LRP2: variants seen among roughly 807,000 people sequenced by gnomAD.
LRP2 encodes low-density lipoprotein receptor-related protein 2.
A neutral mutation model predicts 531.0 loss-of-function variants in LRP2; 172 were observed. That is an observed-to-expected ratio of 0.32 (90% confidence interval 0.29 to 0.37). The LOEUF is 0.37. Ranked by LOEUF, LRP2 falls within the 10% of genes least tolerant of loss-of-function variation. The pLI is 1.00. For missense variants in LRP2, 5,167 were observed against 5,868.3 expected (o/e 0.88, Z 3.90); for synonymous variants, 1,992 against 2,027.6 (o/e 0.98, Z 0.47).
chr2:169,351,344 G>A (rs1003392505), intron 1 of LRP2, among the ~76,000 whole-genome samples: 2 of 152,160 alleles, frequency 1.3e-5, no homozygotes, highest in South Asian at 2.1e-4. Flanking sequence ...ACTGTAAAGT[G>A]GAACCGAAAA....
chr2:169,298,193 AATCATCATCATCATCATC>A (rs3083159), intron 4 of LRP2, among the ~76,000 whole-genome samples: 2 of 150,400 alleles, frequency 1.3e-5, no homozygotes, highest in South Asian at 2.1e-4. Context: ...TTAAACAAGC[AATCATCATCATCATCATC>A]ATCATCATCA....
chr2:169,229,378 C>G (rs1264040572), intron 31 of LRP2, among the ~76,000 whole-genome samples: 1 of 152,176 alleles, frequency 6.6e-6, no homozygotes, highest in East Asian at 1.9e-4. Context: ...ACCCCCAAAC[C>G]TAGGTCCTCC....
rs1689991141 is a variant in LRP2, at chr2:169,246,026, G to A, written c.3190+679C>T. Among the ~76,000 whole-genome samples, 2 of 152,030 alleles carry A rather than the reference G, an allele frequency of 1.3e-5. 1 individual carries two copies. Among genetic ancestry groups the A allele is most frequent in the Admixed American group, 1.3e-4 (2 of 15,246 alleles). ...CAAATTTTTGTATTTTACAAATTTT[G>A]TGAAAATACAAAATACAAATTAGCT... On this transcript the variant is annotated intron_variant, in intron 21 of 78. Transcript: ENST00000649046.
chr2:169,198,098 G>T (rs533732436), intron 45 of LRP2, among the ~76,000 whole-genome samples: 1 of 152,126 alleles, frequency 6.6e-6, no homozygotes, highest in East Asian at 1.9e-4. Context: ...AAATTCCAAC[G>T]TATCTAGGGG....
intron 71 of LRP2, 95 bp downstream of exon 71, chr2:169,142,579 C>T: frequency 1.6e-5 from 25 of 1,572,102 alleles, no homozygotes; most frequent in Non-Finnish European, 2.2e-5. Context: ...CCCCACTCTG[C>T]TGCAAAGGAC....
intron 19 of LRP2, among the ~76,000 whole-genome samples, chr2:169,251,962 G>C (rs1158457478): frequency 3.8e-5 from 1 of 26,444 alleles, no homozygotes. Context: ...TCTCTGAATA[G>C]ACCAATAACA....
chr2:169,316,958 G>A (rs940069181), intron 3 of LRP2, among the ~76,000 whole-genome samples: 1 of 152,026 alleles, frequency 6.6e-6, no homozygotes, highest in Non-Finnish European at 1.5e-5. Context: ...CAATCTAAAT[G>A]CCCATCCAGT....
In LRP2 at chr2:169,162,592, G is replaced by A; in HGVS notation, c.11767C>T (p.Pro3923Ser). The change falls in exon 63 of 79, where the codon CCG (proline) becomes TCG (serine). Residue 3923 changes from proline (P) to serine (S), a missense_variant. Pro to Ser is a moderately conservative substitution (Grantham distance 74). Transcript: ENST00000649046. ...TDETEEHCRK[P>S]TPKPCTEYEY... Reference sequence around the variant, plus strand: ...TATTCTGTACAAGGTTTAGGGGTCGGTTTTCTACCTGCAATGTAAAAACAA... The same window carrying A: ...TATTCTGTACAAGGTTTAGGGGTCGATTTTCTACCTGCAATGTAAAAACAA... The A allele has an allele frequency of 6.2e-7, 1 of 1,614,076 alleles. No homozygotes were observed. Among genetic ancestry groups the A allele is most frequent in the African/African-American group, 1.3e-5 (1 of 75,042 alleles).
rs561878881 is a variant in LRP2 at position 169,275,525 on chromosome 2, T to A, written c.1773-287A>T. Among the ~76,000 whole-genome samples, 3 of 152,300 alleles carry A rather than the reference T, an allele frequency of 2.0e-5. No homozygotes were observed. The South Asian group carries it at 6.2e-4, about 32-fold the overall frequency. On this transcript the variant is annotated intron_variant, in intron 13 of 78. Transcript: ENST00000649046. Reference sequence around the variant, plus strand: ...TGGAATTTACTGTTTCCCCTTTTGTTCTTCATTCCTTTTAGGTTGCCCCAC... The same window carrying A: ...TGGAATTTACTGTTTCCCCTTTTGTACTTCATTCCTTTTAGGTTGCCCCAC...
chr2:169,196,357 G>A (rs1217011576), intron 46 of LRP2, among the ~76,000 whole-genome samples: 1 of 152,180 alleles, frequency 6.6e-6, no homozygotes, highest in Non-Finnish European at 1.5e-5. Flanking sequence ...AAATGTGCAT[G>A]GATATAGATT....
chr2:169,160,685 A>AAAAAAAAAAAAAAAAAAAAAAAC (rs970862922), intron 63 of LRP2, among the ~76,000 whole-genome samples: 12,846 of 88,148 alleles, frequency 0.15, 549 homozygotes, highest in South Asian at 0.23. Context: ...ATTTCCTTAA[A>AAAAAAAAAAAAAAAAAAAAAAAC]AAAAAAAAAA....
In LRP2 at chr2:169,185,490, A is replaced by G; in HGVS notation, c.9845+13T>C. 6.2e-7 allele frequency: 1 copy of G among 1,612,464 alleles called. No homozygotes were observed. Among genetic ancestry groups the G allele is most frequent in the Non-Finnish European group, 8.5e-7 (1 of 1,179,800 alleles). ...ATTTTTAACTTTTAAAAAGCTCATC[A>G]GTGTTTTCTTACCTGGAAACCCAGT... On this transcript the variant is annotated intron_variant, in intron 50 of 78. Coordinates refer to ENST00000649046, the MANE Select transcript of LRP2 (RefSeq NM_004525.3).
intron 25 of LRP2, 137 bp downstream of exon 25, chr2:169,240,851 C>G (rs1689778419): frequency 2.0e-6 from 2 of 977,254 alleles, no homozygotes; most frequent in South Asian, 2.6e-5. Flanking sequence ...TATGGTTACC[C>G]CCTACACAGA....
intron 54 of LRP2, 135 bp downstream of exon 54, chr2:169,176,276 G>C: frequency 2.2e-6 from 2 of 924,100 alleles, no homozygotes; most frequent in East Asian, 5.2e-5. Context: ...TGAGAGTCTT[G>C]CTGTGTTCCA....
At chr2:169,264,167 C>T (rs1050397943) in intron 16 of LRP2, among the ~76,000 whole-genome samples, 107 of 152,006 alleles carry the variant, frequency 7.0e-4, no homozygotes, top group African/African-American at 2.5e-3. Context: ...GTGGGTGCAG[C>T]GCACCAGCAT....
chr2:169,348,401 T>C (rs987975888), intron 1 of LRP2, among the ~76,000 whole-genome samples: 3 of 152,178 alleles, frequency 2.0e-5, no homozygotes, highest in African/African-American at 7.2e-5. Context: ...GTGCCCATTT[T>C]TCCTTCATTC....
intron 16 of LRP2, among the ~76,000 whole-genome samples, chr2:169,259,582 C>T (rs1690458047): frequency 6.6e-6 from 1 of 151,930 alleles, no homozygotes; most frequent in Non-Finnish European, 1.5e-5. Context: ...CCGGAGACGG[C>T]TCTGATAAGC....
chr2:169,177,709 A>G, intron 53 of LRP2, 94 bp downstream of exon 53: 1 of 1,105,102 alleles, frequency 9.0e-7, no homozygotes, highest in Non-Finnish European at 1.4e-6. Flanking sequence ...AGTGCAACAA[A>G]CTTTTTGTAA....
chr2:169,193,459 A>G (rs183368532), intron 47 of LRP2, among the ~76,000 whole-genome samples: 3 of 151,052 alleles, frequency 2.0e-5, no homozygotes, highest in South Asian at 2.1e-4. Flanking sequence ...AAAGAAAAGA[A>G]AAAAGAAAAG....
Sources: allele counts gnomAD v4.1 joint callset (sites outside exome capture counted in the v4.1 genomes callset), GRCh38; gene constraint gnomAD v4.1.1; transcripts MANE v1.5; gene names NCBI Gene and HGNC (gene_info 2026-07-23, HGNC 2026-07-21).